ETFDH: variants seen among roughly 807,000 people sequenced by gnomAD.
ETFDH encodes the protein electron transfer flavoprotein-ubiquinone oxidoreductase, mitochondrial.
In ETFDH, 61 loss-of-function variants were observed where a neutral mutation model predicts 73.2. The observed-to-expected ratio is 0.83, with a 90% CI of 0.68 to 1.03. The LOEUF is 1.03. Ranked by LOEUF, ETFDH falls within the 50% of genes least tolerant of loss-of-function variation. ETFDH has a pLI of 0.00. For synonymous variants in ETFDH, 243 were observed against 253.3 expected, an observed-to-expected ratio of 0.96 and a Z score of 0.39; for missense variants, 685 against 745.0, an observed-to-expected ratio of 0.92 and a Z score of 0.94.
At chr4:158,673,489 T>A (rs1047427971) in intron 1 of ETFDH, among the ~76,000 whole-genome samples, 19 of 152,364 alleles carry the variant, frequency 1.2e-4, no homozygotes, top group Non-Finnish European at 8.8e-5. Context: ...TTAATTTTTT[T>A]AAATCTTTAG....
chr4:158,690,448 TG>T, intron 6 of ETFDH, 23 bp downstream of exon 6: 1 of 1,318,594 alleles, frequency 7.6e-7, no homozygotes, highest in Non-Finnish European at 1.1e-6. Context: ...AATAGTTACG[TG>T]CTTAATAAAG....
intron 5 of ETFDH, among the ~76,000 whole-genome samples, chr4:158,690,094 G>A (rs1774123498): frequency 6.6e-6 from 1 of 151,992 alleles, no homozygotes; most frequent in Non-Finnish European, 1.5e-5. Context: ...AATCTCTCTA[G>A]TAGTCTCCCC....
intron 6 of ETFDH, 138 bp downstream of exon 6, chr4:158,690,563 T>C: frequency 1.4e-6 from 1 of 700,970 alleles, no homozygotes; most frequent in Non-Finnish European, 2.6e-6. Flanking sequence ...CCTGTAGTCC[T>C]AGCTACTTTG....
intron 6 of ETFDH, among the ~76,000 whole-genome samples, chr4:158,690,874 G>A (rs1315542193): frequency 6.6e-6 from 1 of 150,476 alleles, no homozygotes; most frequent in African/African-American, 2.5e-5. Flanking sequence ...TTATAACCTG[G>A]TCTCAAAATA....
At chr4:158,684,966 A>C in intron 4 of ETFDH, 135 bp from the exon 5 acceptor site, 1 of 653,620 alleles carries the variant, frequency 1.5e-6, no homozygotes, top group Non-Finnish European at 2.7e-6. Context: ...AATTGTAGAA[A>C]ATAAGTTGAA....
At position 158,697,543 on chromosome 4, in the gene ETFDH, CTTTT is replaced by C. The variant is rs376153836; in HGVS notation, c.832-6_832-3del. The C allele has an allele frequency of 2.9e-6, 4 of 1,362,144 alleles. No homozygotes were observed. Among genetic ancestry groups the C allele is most frequent in the African/African-American group, 1.5e-5 (1 of 66,000 alleles). The allele number at this position is 1,362,144 out of a possible 1,614,324, so 84.4% of individuals were successfully genotyped here. A position where few individuals can be genotyped will look rare whatever the true frequency, so the allele number is the denominator to read the frequency against. ...AAATACTGCAGGACTTTTTTGTTTGCTTTTTTTTTTTTTAGTTATGGGTTATTGA... is the reference window on the plus strand; with the variant it reads ...AAATACTGCAGGACTTTTTTGTTTGCTTTTTTTTTAGTTATGGGTTATTGA... On this transcript the variant is annotated splice_polypyrimidine_tract_variant and intron_variant, in intron 7 of 12. Transcript: ENST00000511912.
rs917151751 is a variant in ETFDH, at chr4:158,682,596, C to T, written c.405+172C>T. ...TTGCCCAGGCTGGAGTGCAATGGCGCGATCTTGGCTCACTGCAACCTCCAC... is the reference window on the plus strand; with the variant it reads ...TTGCCCAGGCTGGAGTGCAATGGCGTGATCTTGGCTCACTGCAACCTCCAC... On this transcript the variant is annotated intron_variant, in intron 3 of 12. Coordinates refer to ENST00000511912, the MANE Select transcript of ETFDH (RefSeq NM_004453.4). 1.2e-4 allele frequency among the ~76,000 whole-genome samples: 18 copies of T among 150,804 alleles called. No individual in the cohort carries two copies. The South Asian group carries it at 2.7e-3, about 23-fold the overall frequency.
intron 5 of ETFDH, among the ~76,000 whole-genome samples, chr4:158,687,505 G>A (rs1349039074): frequency 2.0e-5 from 3 of 152,066 alleles, no homozygotes; most frequent in African/African-American, 7.2e-5. Flanking sequence ...CAGCCATGAC[G>A]GTACATAATT....
chr4:158,687,897 G>A (rs1459984784), intron 5 of ETFDH, among the ~76,000 whole-genome samples: 2 of 151,554 alleles, frequency 1.3e-5, no homozygotes, highest in African/African-American at 4.9e-5. Flanking sequence ...AAAATTAGCC[G>A]GGCATGGCGG....
intron 12 of ETFDH, among the ~76,000 whole-genome samples, chr4:158,707,158 TC>T (rs1252277563): frequency 6.6e-6 from 1 of 152,168 alleles, no homozygotes; most frequent in African/African-American, 2.4e-5. Flanking sequence ...TGGCAGCTCA[TC>T]TGTATGTATT....
At position 158,703,533 on chromosome 4, in the gene ETFDH, A is replaced by C. The variant is rs1200031596; in HGVS notation, c.1227A>C (p.Leu409Phe). The C allele has an allele frequency of 1.9e-6, 3 of 1,609,806 alleles. No individual in the cohort carries two copies. The highest frequency in any genetic ancestry group is 4.5e-5 in the East Asian group (2 of 44,798). ...GTHTAMKSGI[L>F]AAESIFNQLT... ...ACACAGCAATGAAAAGTGGAATTTT[A>C]GCAGCAGAATCTATTTTTAATCAAC... The change falls in exon 10 of 13, where the codon TTA (leucine) becomes TTC (phenylalanine). Residue 409 changes from leucine to phenylalanine, a missense_variant. Physicochemically the swap from Leu to Phe is conservative, Grantham distance 22. This residue lies in a region of ETFDH where 79 missense variants were observed against 120.5 expected (regional missense o/e 0.66). Transcript: ENST00000511912.
Position 158,686,741 on chromosome 4 carries a change from G to A in ETFDH, c.606+1522G>A, listed in dbSNP as rs571439382. On this transcript the variant is annotated intron_variant, in intron 5 of 12. Coordinates refer to ENST00000511912, the MANE Select transcript of ETFDH (RefSeq NM_004453.4). ...CTTGCTTTAGGGGAGAAAGAGGGAT[G>A]GGAGAAGGTAAGAAAGACCTTGTTT... is the stretch of plus-strand genomic sequence containing the variant. Among the ~76,000 whole-genome samples the A allele has an allele frequency of 3.3e-5, 5 of 152,262 alleles. No individual in the cohort carries two copies. In the South Asian group the frequency reaches 1.0e-3, roughly 32 times the overall value.
intron 1 of ETFDH, 85 bp downstream of exon 1, chr4:158,672,575 G>C: frequency 7.5e-7 from 1 of 1,330,770 alleles, no homozygotes; most frequent in Admixed American, 1.7e-5. Context: ...GGCACCTCTC[G>C]CCCCTTCTCT....
At position 158,682,205 on chromosome 4, in the gene ETFDH, G is replaced by C. The variant is rs1185220863; in HGVS notation, c.186G>C (p.Met62Ile). Reference sequence around the variant, plus strand: ...TTTTATTTCTCCCAGGAGTGAACATGGAAAGGTTTGCAGAAGAAGCAGATG... The same window carrying C: ...TTTTATTTCTCCCAGGAGTGAACATCGAAAGGTTTGCAGAAGAAGCAGATG... ...DKDKRWEGVN[M>I]ERFAEEADVV... Residue 62 changes from methionine (M) to isoleucine (I), a missense_variant, in exon 3 of 13, where the codon ATG becomes ATC. Met to Ile is a conservative substitution (Grantham distance 10). Coordinates refer to ENST00000511912, the MANE Select transcript of ETFDH (RefSeq NM_004453.4). The C allele has an allele frequency of 2.0e-5, 32 of 1,614,006 alleles. No individual in the cohort carries two copies. The highest frequency in any genetic ancestry group is 2.6e-5 in the Non-Finnish European group (31 of 1,179,872).
rs762031780 is a variant in ETFDH at position 158,697,664 on chromosome 4, A to G, written c.937A>G (p.Asn313Asp). Residue 313 changes from asparagine (N) to aspartate (D), a missense_variant, in exon 8 of 13, where the codon AAT becomes GAT. By Grantham distance (23) the Asn-to-Asp change is conservative. Around this residue, in one of 3 missense-constraint regions of ETFDH, gnomAD observed 405 missense variants for 399.3 expected, o/e 1.01. Coordinates refer to ENST00000511912, the MANE Select transcript of ETFDH (RefSeq NM_004453.4). ...TYGGSFLYHL[N>D]EGEPLVALGL... ...TGGAGGATCTTTCCTCTATCATTTGAATGAAGGTGAACCCCTAGTAGCTCT... is the reference window on the plus strand; with the variant it reads ...TGGAGGATCTTTCCTCTATCATTTGGATGAAGGTGAACCCCTAGTAGCTCT... 3.1e-6 allele frequency: 5 copies of G among 1,613,836 alleles called. No individual in the cohort carries two copies. Among genetic ancestry groups the G allele is most frequent in the East Asian group, 2.2e-5 (1 of 44,846 alleles).
intron 6 of ETFDH, 104 bp from the exon 7 acceptor site, chr4:158,695,393 C>G: frequency 1.3e-6 from 1 of 788,332 alleles, no homozygotes; most frequent in Non-Finnish European, 2.1e-6. Context: ...TACATTTGCA[C>G]TGTCTCTTCT....
chr4:158,681,052 A>T (rs202030183), intron 2 of ETFDH, among the ~76,000 whole-genome samples: 2 of 142,772 alleles, frequency 1.4e-5, no homozygotes, highest in African/African-American at 2.5e-5. Context: ...CTCTTACTTA[A>T]TTTTTTTAAA....
chr4:158,679,384 G>GAGAGATAAGCCTTCTCATCC (rs1315939033), intron 1 of ETFDH: 4 of 152,104 alleles, frequency 2.6e-5, no homozygotes, highest in African/African-American at 9.7e-5. Flanking sequence ...TAGACAACGG[G>GAGAGATAAGCCTTCTCATCC]AGAGATAAGC....
At chr4:158,675,661 C>T (rs1293160041) in intron 1 of ETFDH, among the ~76,000 whole-genome samples, 1 of 151,450 alleles carries the variant, frequency 6.6e-6, no homozygotes, top group Non-Finnish European at 1.5e-5. Context: ...CCTAGCTACT[C>T]AGGAGGCTGA....
Sources: gnomAD v4.1 joint callset for allele counts (sites outside exome capture counted in the v4.1 genomes callset) on GRCh38, gnomAD v4.1.1 for gene constraint, gnomAD v4.1.1 regional missense constraint, MANE v1.5 for transcripts, NCBI Gene and HGNC (gene_info 2026-07-23, HGNC 2026-07-21) for gene names.